Variants in KIF23 observed in about 807,000 individuals in gnomAD.
KIF23 encodes kinesin family member 23, also known as kinesin-like protein KIF23.
KIF23 carries 30 observed loss-of-function variants against 137.5 expected under a neutral mutation model. The ratio of observed to expected loss-of-function variants is 0.22; its 90% CI spans 0.16 to 0.30. KIF23 has a LOEUF of 0.30. Among genes scored for constraint, KIF23 ranks in the 10% least tolerant of loss-of-function variants. The pLI is 1.00. For missense variants in KIF23, 920 were observed against 1,194.3 expected, an observed-to-expected ratio of 0.77 and a Z score of 3.38; for synonymous variants, 367 against 391.1, an observed-to-expected ratio of 0.94 and a Z score of 0.73.
chr15:69,441,158 T>A, intron 19 of KIF23, 79 bp downstream of exon 19: 6 of 1,287,520 alleles, frequency 4.7e-6, no homozygotes, highest in Non-Finnish European at 6.4e-6. Flanking sequence ...GTCTGAAAGT[T>A]CATTGGAAAA....
intron 3 of KIF23, among the ~76,000 whole-genome samples, chr15:69,418,986 G>T (rs1289590551): frequency 2.0e-5 from 3 of 152,078 alleles, no homozygotes; most frequent in Non-Finnish European, 2.9e-5. Context: ...GCATGATGAC[G>T]TGTGCCTGTA....
chr15:69,443,087 T>C (rs1457707922), intron 19 of KIF23, among the ~76,000 whole-genome samples: 1 of 152,142 alleles, frequency 6.6e-6, no homozygotes, highest in Non-Finnish European at 1.5e-5. Flanking sequence ...ATTAAATAAA[T>C]CATTGTAGGA....
chr15:69,446,446 C>A, intron 22 of KIF23, 82 bp downstream of exon 22: 1 of 1,112,540 alleles, frequency 9.0e-7, no homozygotes, highest in Non-Finnish European at 1.3e-6. Flanking sequence ...GATTTTTATG[C>A]TCTTTGAAAA....
intron 3 of KIF23, among the ~76,000 whole-genome samples, chr15:69,419,736 T>C (rs1178167366): frequency 6.6e-6 from 1 of 152,208 alleles, no homozygotes; most frequent in African/African-American, 2.4e-5. Context: ...GTTCTGTTCA[T>C]CAAATAGTAA....
In KIF23 at chr15:69,440,469, T is replaced by G; in HGVS notation, c.2091T>G (p.Val697=). 1 of 1,612,184 alleles carries G rather than the reference T, an allele frequency of 6.2e-7. No individual in the cohort carries two copies. Among genetic ancestry groups the G allele is most frequent in the Non-Finnish European group, 8.5e-7 (1 of 1,179,354 alleles). The change falls in exon 18 of 24, where the codon GTT becomes GTG. Residue 697 remains valine (V), a synonymous_variant. Coordinates refer to ENST00000679126, the MANE Select transcript of KIF23 (RefSeq NM_001367805.3). Reference sequence around the variant, plus strand: ...GAGAAAAAGTTACTCAAAGATCTGTTTCTCCATCACCTGTGCCTGTAAGTT... The same window carrying G: ...GAGAAAAAGTTACTCAAAGATCTGTGTCTCCATCACCTGTGCCTGTAAGTT... ...RDREKVTQRS[V]SPSPVPLSSN... is the part of the protein sequence containing the mutation.
At chr15:69,437,457 T>C (rs951712555) in intron 15 of KIF23, among the ~76,000 whole-genome samples, 3 of 122,948 alleles carry the variant, frequency 2.4e-5, no homozygotes, top group African/African-American at 9.9e-5. Context: ...ATGTATCTAC[T>C]TTTTTTTTTT....
Position 69,438,359 on chromosome 15 carries a change from TG to T in KIF23, c.1711del (p.Glu571LysfsTer2). The T allele has an allele frequency of 6.2e-7, 1 of 1,611,724 alleles. No individual in the cohort carries two copies. The highest frequency in any genetic ancestry group is 1.1e-5 in the South Asian group (1 of 90,488). On this transcript the variant is annotated frameshift_variant, in exon 16 of 24. Coordinates refer to ENST00000679126, the MANE Select transcript of KIF23 (RefSeq NM_001367805.3). LOFTEE classifies it high-confidence loss of function. Reference protein sequence around the residue: ...EKEKMISGQKLEIERLEKKNK... With the variant: ...EKEKMISGQKXEIERLEKKNK... ...GAGAAGATGATCTCAGGACAGAAATTGGAAATAGAACGACTGGAAAAGAAAA... is the reference window on the plus strand; with the variant it reads ...GAGAAGATGATCTCAGGACAGAAATTGAAATAGAACGACTGGAAAAGAAAA...
chr15:69,425,098 G>C (rs1595988786), intron 7 of KIF23, among the ~76,000 whole-genome samples, 184 bp from the exon 8 acceptor site: 1 of 152,158 alleles, frequency 6.6e-6, no homozygotes, highest in Non-Finnish European at 1.5e-5. Context: ...AATTTGTTAG[G>C]TTGGTGTTAG....
chr15:69,443,515 T>A (rs892649273), intron 19 of KIF23: 6 of 151,000 alleles, frequency 4.0e-5, no homozygotes, highest in Non-Finnish European at 8.9e-5. Context: ...ATTTTTAAAT[T>A]TTTTGTAAAG....
intron 2 of KIF23, among the ~76,000 whole-genome samples, chr15:69,416,807 T>G (rs1291728300): frequency 6.6e-6 from 1 of 152,016 alleles, no homozygotes; most frequent in Non-Finnish European, 1.5e-5. Context: ...TTACAAAAAT[T>G]AGCTGGGTGT....
Position 69,444,942 on chromosome 15 carries a change from A to G in KIF23, c.2574A>G (p.Val858=). ...MQPHVPHAIT[V]SVANEKALAK... ...CACATGTCCCTCATGCCATCACAGTATCTGTTGCAAATGAAAAGGCACTAG... is the reference window on the plus strand; with the variant it reads ...CACATGTCCCTCATGCCATCACAGTGTCTGTTGCAAATGAAAAGGCACTAG... Residue 858 remains valine, a synonymous_variant, in exon 20 of 24, where the codon GTA becomes GTG. Coordinates refer to ENST00000679126, the MANE Select transcript of KIF23 (RefSeq NM_001367805.3). The surrounding 1 kb of genome is among the most constrained non-coding windows in gnomAD (Gnocchi z 4.2). 1 of 1,614,236 alleles carries G rather than the reference A, an allele frequency of 6.2e-7. No individual in the cohort carries two copies. The highest frequency in any genetic ancestry group is 8.5e-7 in the Non-Finnish European group (1 of 1,180,042).
intron 10 of KIF23, among the ~76,000 whole-genome samples, chr15:69,427,053 A>T (rs1333737978): frequency 6.6e-6 from 1 of 151,980 alleles, no homozygotes; most frequent in African/African-American, 2.4e-5. Context: ...AGGCCAAGGC[A>T]GGAGGATCAC....
chr15:69,440,990 A>G lies in KIF23; in HGVS notation c.2332A>G (p.Arg778Gly). The change falls in exon 19 of 24, where the codon AGA becomes GGA. Residue 778 changes from arginine to glycine, a missense_variant. Arg to Gly is a moderately radical substitution (Grantham distance 125). This residue lies in a region of KIF23 where 714 missense variants were observed against 866.2 expected (regional missense o/e 0.82). Coordinates refer to ENST00000679126, the MANE Select transcript of KIF23 (RefSeq NM_001367805.3). Reference sequence around the variant, plus strand: ...AAGCAAAACTTGTATCGTGTCAGACAGAAGGCGAGGGATGTACTGGACTGA... The same window carrying G: ...AAGCAAAACTTGTATCGTGTCAGACGGAAGGCGAGGGATGTACTGGACTGA... ...GQSKTCIVSDRRRGMYWTEGR... is the reference protein window; with the variant it reads ...GQSKTCIVSDGRRGMYWTEGR... 3 of 1,614,256 alleles carry G rather than the reference A, an allele frequency of 1.9e-6. No individual in the cohort carries two copies. Among genetic ancestry groups the G allele is most frequent in the Non-Finnish European group, 2.5e-6 (3 of 1,180,038 alleles).
chr15:69,414,913 AT>A (rs2056858288), intron 1 of KIF23: 1 of 166,094 alleles, frequency 6.0e-6, no homozygotes, highest in African/African-American at 2.4e-5. Context: ...TGTGCTGGGC[AT>A]TGGTTAGATG....
Position 69,441,087 on chromosome 15 carries a change from C to G in KIF23, c.2421+8C>G. 1.9e-6 allele frequency: 3 copies of G among 1,594,534 alleles called. No individual in the cohort carries two copies. Among genetic ancestry groups the G allele is most frequent in the Non-Finnish European group, 2.6e-6 (3 of 1,168,314 alleles). ...GAGGATCATTGCGGCAGGGTTAGTG[C>G]CAGTATTATTTTAACGCATTGTAGC... On this transcript the variant is annotated splice_region_variant and intron_variant, in intron 19 of 23. Coordinates refer to ENST00000679126, the MANE Select transcript of KIF23 (RefSeq NM_001367805.3).
intron 3 of KIF23, among the ~76,000 whole-genome samples, chr15:69,420,062 C>T (rs1398558036): frequency 6.6e-6 from 1 of 151,988 alleles, no homozygotes; most frequent in Non-Finnish European, 1.5e-5. Flanking sequence ...ATCAGGAGTT[C>T]GAGACTAGCT....
intron 7 of KIF23, among the ~76,000 whole-genome samples, chr15:69,424,873 C>T (rs778501144): frequency 6.6e-6 from 1 of 152,194 alleles, no homozygotes; most frequent in African/African-American, 2.4e-5. Context: ...ACTGTCTTGA[C>T]TCTAATCTTG....
chr15:69,436,484 C>A, intron 14 of KIF23, 80 bp from the exon 15 acceptor site: 1 of 1,279,416 alleles, frequency 7.8e-7, no homozygotes. Context: ...TGCACTGGGG[C>A]TGTATGCAGT....
chr15:69,436,328 A>T (rs2057479316), intron 14 of KIF23, 67 bp downstream of exon 14: 4 of 1,535,718 alleles, frequency 2.6e-6, no homozygotes, highest in Non-Finnish European at 2.6e-6. Flanking sequence ...TTTAAAAAAA[A>T]TTATTTCATT....
Sources: gnomAD v4.1 joint callset for allele counts (sites outside exome capture counted in the v4.1 genomes callset) on GRCh38, gnomAD v4.1.1 for gene constraint, gnomAD v4.1.1 regional missense constraint, Gnocchi (gnomAD v3.1) non-coding constraint, MANE v1.5 for transcripts, NCBI Gene and HGNC (gene_info 2026-07-23, HGNC 2026-07-21) for gene names.